NUDT19: variants seen among roughly 807,000 people sequenced by gnomAD.
NUDT19 encodes nudix hydrolase 19.
Under a neutral mutation model 22.2 loss-of-function variants are expected in NUDT19, and 31 were observed. The ratio of observed to expected loss-of-function variants is 1.40; its 90% confidence interval spans 1.05 to 1.89. NUDT19 has a LOEUF of 1.89. Ranked by LOEUF, NUDT19 falls within the 40% of genes most tolerant of loss-of-function variation. NUDT19 has a pLI of 0.00. For missense variants in NUDT19, 752 were observed against 514.2 expected (o/e 1.46, Z -4.47); for synonymous variants, 325 against 230.8 (o/e 1.41, Z -3.70).
At chr19:32,701,452 C>T (rs1485496143) in intron 1 of NUDT19, among the ~76,000 whole-genome samples, 1 of 152,112 alleles carries the variant, frequency 6.6e-6, no homozygotes, top group Non-Finnish European at 1.5e-5. Flanking sequence ...CCTGTCTGGG[C>T]CTCCCAAAGT....
In NUDT19 at chr19:32,711,784, T is replaced by C; in HGVS notation, c.955T>C (p.Leu319=). ...DELYLEDSDF[L]ENLMSTEKKT... is the part of the protein sequence containing the mutation. ...GCTATATTTAGAAGATTCAGACTTT[T>C]TGGAAAATCTTATGTCTACTGAAAA... The change falls in exon 3 of 3, where the codon TTG becomes CTG. Residue 319 remains leucine (L), a synonymous_variant. Transcript: ENST00000397061. 1 of 1,613,166 alleles carries C rather than the reference T, an allele frequency of 6.2e-7. No individual in the cohort carries two copies. Among genetic ancestry groups the C allele is most frequent in the Non-Finnish European group, 8.5e-7 (1 of 1,179,186 alleles).
intron 1 of NUDT19, among the ~76,000 whole-genome samples, chr19:32,694,545 T>C (rs1314179903): frequency 5.3e-5 from 8 of 152,198 alleles, no homozygotes; most frequent in Non-Finnish European, 1.2e-4. Context: ...CAGTGGCCAT[T>C]TCTAGCCCTA....
chr19:32,711,115 T>A lies in NUDT19; in HGVS notation c.923-637T>A, dbSNP rs550468614. Among the ~76,000 whole-genome samples the A allele has an allele frequency of 3.3e-5, 5 of 152,146 alleles. No homozygotes were observed. The South Asian group carries it at 1.0e-3, about 32-fold the overall frequency. ...ACAGTGGAAACATACCAGTCACAGATGTTTATGGGCCCAAAGAAAACTCTT... is the reference window on the plus strand; with the variant it reads ...ACAGTGGAAACATACCAGTCACAGAAGTTTATGGGCCCAAAGAAAACTCTT... On this transcript the variant is annotated intron_variant, in intron 2 of 2. Transcript: ENST00000397061.
intron 2 of NUDT19, among the ~76,000 whole-genome samples, chr19:32,711,356 G>A (rs1261774347): frequency 1.3e-5 from 2 of 151,956 alleles, no homozygotes; most frequent in African/African-American, 4.8e-5. Flanking sequence ...CCAGTTACTC[G>A]GGAGGCTGAG....
At chr19:32,711,621 G>C in intron 2 of NUDT19, 131 bp from the exon 3 acceptor site, 1 of 621,660 alleles carries the variant, frequency 1.6e-6, no homozygotes. Context: ...TAAAAATACT[G>C]ATTTGTATTT....
intron 1 of NUDT19, among the ~76,000 whole-genome samples, chr19:32,700,112 C>G (rs1968317918): frequency 6.6e-6 from 1 of 152,262 alleles, no homozygotes; most frequent in African/African-American, 2.4e-5. Context: ...AAGAACAGAG[C>G]TTCCACAGCA....
chr19:32,710,420 C>CAAAAA (rs34357522), intron 2 of NUDT19, among the ~76,000 whole-genome samples: 5 of 107,048 alleles, frequency 4.7e-5, no homozygotes, highest in Non-Finnish European at 5.9e-5. Context: ...ACTGAAAATA[C>CAAAAA]AAAAAAAAAA....
At chr19:32,696,119 A>G (rs1968260974) in intron 1 of NUDT19, among the ~76,000 whole-genome samples, 2 of 152,160 alleles carry the variant, frequency 1.3e-5, no homozygotes, top group South Asian at 4.1e-4. Flanking sequence ...CCCGCTCCCT[A>G]TCCTCTGGGA....
At chr19:32,710,576 A>G (rs1465959201) in intron 2 of NUDT19, among the ~76,000 whole-genome samples, 1 of 149,616 alleles carries the variant, frequency 6.7e-6, no homozygotes, top group Non-Finnish European at 1.5e-5. Flanking sequence ...TGGGCGACAG[A>G]GCGACACTCT....
chr19:32,695,138 G>A (rs1035611590), intron 1 of NUDT19, among the ~76,000 whole-genome samples: 5 of 152,144 alleles, frequency 3.3e-5, no homozygotes, highest in African/African-American at 1.2e-4. Context: ...GTGTTACAGG[G>A]TTACAGAGAA....
chr19:32,697,360 G>C (rs1968276420), intron 1 of NUDT19, among the ~76,000 whole-genome samples: 1 of 152,112 alleles, frequency 6.6e-6, no homozygotes, highest in African/African-American at 2.4e-5. Flanking sequence ...TGTCTTTTAG[G>C]ATCAATTGAC....
rs1968454025 is a variant in NUDT19 at position 32,712,137 on chromosome 19, T to C, written c.*180T>C. 3.7e-6 allele frequency: 2 copies of C among 539,864 alleles called. No homozygotes were observed. The highest frequency in any genetic ancestry group is 6.3e-5 in the East Asian group (2 of 31,680). The allele number at this position is 539,864 out of a possible 1,614,324, so 33.4% of individuals were successfully genotyped here. On this transcript the variant is annotated 3_prime_UTR_variant, in exon 3 of 3. Coordinates refer to ENST00000397061, the MANE Select transcript of NUDT19 (RefSeq NM_001105570.2). ...TCGCCCAGGCTGGAGTGCAGTGGCATGATATAGGCTCACTGGAAGCTCTGC... is the reference window on the plus strand; with the variant it reads ...TCGCCCAGGCTGGAGTGCAGTGGCACGATATAGGCTCACTGGAAGCTCTGC...
Position 32,698,652 on chromosome 19 carries a change from T to G in NUDT19, c.714+5978T>G, listed in dbSNP as rs113989331. 1.8e-4 allele frequency among the ~76,000 whole-genome samples: 28 copies of G among 152,280 alleles called. 1 individual carries two copies. The highest frequency in any genetic ancestry group is 6.7e-4 in the African/African-American group (28 of 41,558). ...CCCTGGACCCTGCTGATCAGAATGGTTGTGCTCACTGACACAGCAGCAGAA... is the reference window on the plus strand; with the variant it reads ...CCCTGGACCCTGCTGATCAGAATGGGTGTGCTCACTGACACAGCAGCAGAA... On this transcript the variant is annotated intron_variant, in intron 1 of 2. Transcript: ENST00000397061.
intron 2 of NUDT19, among the ~76,000 whole-genome samples, chr19:32,710,571 G>A (rs1332284649): frequency 1.3e-5 from 2 of 149,330 alleles, no homozygotes; most frequent in African/African-American, 2.5e-5. Flanking sequence ...TAACCTGGGC[G>A]ACAGAGCGAC....
chr19:32,694,339 C>G (rs951536204), intron 1 of NUDT19, among the ~76,000 whole-genome samples: 13 of 152,236 alleles, frequency 8.5e-5, no homozygotes, highest in Admixed American at 8.5e-4. Flanking sequence ...GTGCAAAGTC[C>G]TCCTTTCTCA....
intron 1 of NUDT19, among the ~76,000 whole-genome samples, chr19:32,697,709 G>T (rs1209360354): frequency 6.6e-6 from 1 of 152,154 alleles, no homozygotes; most frequent in African/African-American, 2.4e-5. Flanking sequence ...TTGGGCTGCA[G>T]CTAAAGCCAC....
Position 32,709,356 on chromosome 19 carries a change from T to C in NUDT19, c.886T>C (p.Leu296=). ...ACTGGAAAGGTGGCTGCCGATCATCTTGTTAACTGCTGATGGGATGGTCCA... is the reference window on the plus strand; with the variant it reads ...ACTGGAAAGGTGGCTGCCGATCATCCTGTTAACTGCTGATGGGATGGTCCA... The part of the protein sequence containing the change: ...EGLERWLPII[L]LTADGMVHLL... Residue 296 remains leucine, a synonymous_variant, in exon 2 of 3, where the codon TTG becomes CTG. Coordinates refer to ENST00000397061, the MANE Select transcript of NUDT19 (RefSeq NM_001105570.2). The C allele has an allele frequency of 6.2e-7, 1 of 1,614,196 alleles. No homozygotes were observed.
Position 32,692,104 on chromosome 19 carries a change from G to A in NUDT19, c.144G>A (p.Gln48=). 1 of 1,406,922 alleles carries A rather than the reference G, an allele frequency of 7.1e-7. No individual in the cohort carries two copies. Among genetic ancestry groups the A allele is most frequent in the Non-Finnish European group, 9.2e-7 (1 of 1,086,898 alleles). The allele number at this position is 1,406,922 out of a possible 1,614,324, so 87.2% of individuals were successfully genotyped here. Residue 48 remains glutamine, a synonymous_variant, in exon 1 of 3, where the codon CAG becomes CAA. Coordinates refer to ENST00000397061, the MANE Select transcript of NUDT19 (RefSeq NM_001105570.2). The part of the protein sequence containing the change: ...PAEGFRLLLL[Q]RSPHQGFMPG... Reference sequence around the variant, plus strand: ...AGGGCTTCCGGCTGCTGCTGCTGCAGCGCTCCCCGCACCAAGGCTTCATGC... The same window carrying A: ...AGGGCTTCCGGCTGCTGCTGCTGCAACGCTCCCCGCACCAAGGCTTCATGC...
Position 32,692,667 on chromosome 19 carries a change from G to GCTAC in NUDT19, c.709_712dup (p.Gln238LeufsTer11). On this transcript the variant is annotated frameshift_variant, in exon 1 of 3. Transcript: ENST00000397061. LOFTEE classifies it high-confidence loss of function. ...TACCCCGACTTGGCGGAGGTGGTGG[G>GCTAC]CTACCAGGTAAGGCCTGCTCAGGGC... 1 of 1,506,784 alleles carries GCTAC rather than the reference G, an allele frequency of 6.6e-7. No homozygotes were observed. Among genetic ancestry groups the GCTAC allele is most frequent in the Non-Finnish European group, 8.8e-7 (1 of 1,135,024 alleles). 93.3% of individuals were successfully genotyped at this position (1,506,784 alleles called of 1,614,324 possible).
Sources: gnomAD v4.1 joint callset for allele counts (sites outside exome capture counted in the v4.1 genomes callset) on GRCh38, gnomAD v4.1.1 for gene constraint, MANE v1.5 for transcripts, NCBI Gene and HGNC (gene_info 2026-07-23, HGNC 2026-07-21) for gene names.